Variants in OVCH1 observed in about 807,000 individuals in gnomAD.
The protein encoded by OVCH1 is ovochymase-1.
A neutral mutation model predicts 138.4 loss-of-function variants in OVCH1; 139 were observed. The observed-to-expected ratio is 1.00, with a 90% CI of 0.87 to 1.16. OVCH1 has a LOEUF of 1.16. OVCH1 is among the 50% of genes most tolerant of loss of function. The pLI is 0.00. For missense variants in OVCH1, 1,367 were observed against 1,357.9 expected, an observed-to-expected ratio of 1.01 and a Z score of -0.11; for synonymous variants, 453 against 467.8, an observed-to-expected ratio of 0.97 and a Z score of 0.41.
At chr12:29,433,572 C>T (rs1478394563) in intron 27 of OVCH1, among the ~76,000 whole-genome samples, 1 of 152,164 alleles carries the variant, frequency 6.6e-6, no homozygotes. Context: ...TATTGACGAT[C>T]TCCATTACTA....
intron 3 of OVCH1, among the ~76,000 whole-genome samples, chr12:29,416,368 G>A (rs956794063): frequency 6.6e-6 from 1 of 152,058 alleles, no homozygotes; most frequent in Non-Finnish European, 1.5e-5. Flanking sequence ...AGAGGATGAA[G>A]AGACAAGCTA....
intron 25 of OVCH1, 25 bp downstream of exon 25, chr12:29,443,336 T>C: frequency 6.2e-7 from 1 of 1,604,374 alleles, no homozygotes. Flanking sequence ...ATCAGTAGCA[T>C]AGAGATTCAT....
At chr12:29,445,155 TATACTC>T (rs2135928045) in intron 23 of OVCH1, 117 bp downstream of exon 23, 2 of 1,173,432 alleles carry the variant, frequency 1.7e-6, no homozygotes, top group Non-Finnish European at 1.2e-6. Context: ...CTTTCAAACA[TATACTC>T]ATTTCCCCAC....
rs1941578381 is a variant in OVCH1, at chr12:29,445,137, A to G, written c.2881+141T>C. On this transcript the variant is annotated intron_variant, in intron 23 of 27. Transcript: ENST00000318184. ...TGATCAAATCTTAGGTGACTTAAGT[A>G]GATTTTCCTTTCAAACATATACTCA... 8 of 942,970 alleles carry G rather than the reference A, an allele frequency of 8.5e-6. No homozygotes were observed. The East Asian group carries it at 2.2e-4, about 26-fold the overall frequency. 58.4% of individuals were successfully genotyped at this position (942,970 alleles called of 1,614,324 possible).
At chr12:29,413,024 C>T (rs1197014012) in intron 3 of OVCH1, among the ~76,000 whole-genome samples, 1 of 140,926 alleles carries the variant, frequency 7.1e-6, no homozygotes, top group Non-Finnish European at 1.6e-5. Context: ...CCAGCTAATT[C>T]TTTTTTTTTT....
intron 8 of OVCH1, among the ~76,000 whole-genome samples, chr12:29,485,373 G>A (rs936346554): frequency 6.9e-5 from 10 of 144,700 alleles, no homozygotes; most frequent in South Asian, 2.3e-4. Context: ...AGTGGTTCAC[G>A]CCTGTAATCC....
intron 3 of OVCH1, among the ~76,000 whole-genome samples, chr12:29,419,005 C>A (rs1268922739): frequency 5.3e-5 from 8 of 152,050 alleles, no homozygotes; most frequent in Admixed American, 2.6e-4. Context: ...CAAGCCCACA[C>A]CACTATGCCC....
chr12:29,456,906 A>G (rs1473026595), intron 19 of OVCH1, among the ~76,000 whole-genome samples: 1 of 152,246 alleles, frequency 6.6e-6, no homozygotes, highest in Non-Finnish European at 1.5e-5. Context: ...ATTTTTAATC[A>G]GGTCTTTTGC....
At chr12:29,494,956 T>C (rs1183295059) in intron 4 of OVCH1, among the ~76,000 whole-genome samples, 1 of 152,144 alleles carries the variant, frequency 6.6e-6, no homozygotes, top group African/African-American at 2.4e-5. Flanking sequence ...TTTAAGGTAA[T>C]AGATATCCTA....
rs547950611 is a variant in OVCH1 at position 29,464,709 on chromosome 12, C to G, written c.1930-7G>C. ...TGTGTTTGGCCCTTCTCACCTGTAT[C>G]GGTGGCAAGTAAGCAAATTACAACG... On this transcript the variant is annotated splice_polypyrimidine_tract_variant and splice_region_variant and intron_variant, in intron 17 of 27. Coordinates refer to ENST00000318184, the Ensembl canonical transcript of OVCH1. 1.9e-6 allele frequency: 3 copies of G among 1,601,114 alleles called. No individual in the cohort carries two copies. The highest frequency in any genetic ancestry group is 2.6e-6 in the Non-Finnish European group (3 of 1,173,750).
chr12:29,470,131 G>A (rs1429536287), intron 16 of OVCH1, among the ~76,000 whole-genome samples: 1 of 152,102 alleles, frequency 6.6e-6, no homozygotes, highest in Admixed American at 6.6e-5. Flanking sequence ...ATGATATACT[G>A]CTTTAGGGAT....
intron 19 of OVCH1, among the ~76,000 whole-genome samples, chr12:29,456,069 C>T (rs1282245449): frequency 6.6e-6 from 1 of 152,116 alleles, no homozygotes; most frequent in Non-Finnish European, 1.5e-5. Context: ...TTTTGGCTTA[C>T]CTGCAGATAC....
At chr12:29,409,750 G>A (rs184331605), downstream of OVCH1, among the ~76,000 whole-genome samples, 2 of 152,158 alleles carry the variant, frequency 1.3e-5, no homozygotes, top group African/African-American at 4.8e-5. Flanking sequence ...TTTTGGAATA[G>A]GTGTGGTGTG....
exon 17 of OVCH1, chr12:29,465,213 A>G (rs1224304639): frequency 6.3e-7 from 1 of 1,597,866 alleles, no homozygotes; most frequent in Non-Finnish European, 8.5e-7. Context: ...AGAGTGGATT[A>G]TTCTTCCTGG....
At chr12:29,418,197 A>G (rs1436488266) in intron 3 of OVCH1, among the ~76,000 whole-genome samples, 2 of 152,230 alleles carry the variant, frequency 1.3e-5, no homozygotes, top group Non-Finnish European at 2.9e-5. Flanking sequence ...CCAAGATTGC[A>G]TGACTACTAC....
intron 22 of OVCH1, among the ~76,000 whole-genome samples, chr12:29,450,614 C>T (rs1479563416): frequency 6.6e-6 from 1 of 152,154 alleles, no homozygotes; most frequent in Non-Finnish European, 1.5e-5. Context: ...GTCGCGATTC[C>T]TCAAGGATCT....
the OVCH1 span, among the ~76,000 whole-genome samples, chr12:29,404,797 C>T: frequency 1.3e-5 from 2 of 151,850 alleles, no homozygotes; most frequent in South Asian, 2.1e-4. Context: ...CTGAGGCAGG[C>T]GAACCACGAG....
chr12:29,449,267 C>T (rs1037647370), intron 22 of OVCH1, among the ~76,000 whole-genome samples: 5 of 138,670 alleles, frequency 3.6e-5, no homozygotes, highest in African/African-American at 1.1e-4. Context: ...TGCCTTTTTC[C>T]CCCCTCCCTA....
chr12:29,460,631 C>T (rs1302813969), intron 19 of OVCH1, among the ~76,000 whole-genome samples: 4 of 152,038 alleles, frequency 2.6e-5, no homozygotes, highest in Admixed American at 6.6e-5. Context: ...CCAGCTCCCT[C>T]GCTCCTCAGA....
Sources: allele counts gnomAD v4.1 joint callset (sites outside exome capture counted in the v4.1 genomes callset), GRCh38; gene constraint gnomAD v4.1.1; transcripts MANE v1.5; gene names NCBI Gene and HGNC (gene_info 2026-07-23, HGNC 2026-07-21).